Variants in TMEM165 observed in about 807,000 individuals in gnomAD.
TMEM165 encodes the protein putative divalent cation/proton antiporter TMEM165.
Under a neutral mutation model 30.0 loss-of-function variants are expected in TMEM165, and 19 were observed. That is an observed-to-expected ratio of 0.63 (90% CI 0.44 to 0.93). The LOEUF (loss-of-function observed/expected upper bound fraction) is 0.93. Among genes scored for constraint, TMEM165 ranks in the 40% least tolerant of loss-of-function variants. The probability of loss-of-function intolerance (pLI) is 0.00; values close to 1 mark genes in which losing one functional copy is unlikely to be tolerated. For synonymous variants in TMEM165, 168 were observed against 162.9 expected, an observed-to-expected ratio of 1.03 and a Z score of -0.24; for missense variants, 340 against 417.0, an observed-to-expected ratio of 0.82 and a Z score of 1.61.
intron 3 of TMEM165, chr4:55,442,581 C>T: frequency 1.2e-5 from 19 of 1,612,256 alleles, no homozygotes; most frequent in Non-Finnish European, 1.6e-5. Flanking sequence ...TGCTCTGTGT[C>T]TGACTGGGTA....
At chr4:55,434,751 G>A (rs984752139) in intron 3 of TMEM165, 1 of 155,186 alleles carries the variant, frequency 6.4e-6, no homozygotes, top group Non-Finnish European at 1.4e-5. Flanking sequence ...GTTTGCACAT[G>A]GTGTCAGAAT....
At chr4:55,399,097 AAG>A (rs1720849386) in intron 1 of TMEM165, 1 of 152,114 alleles carries the variant, frequency 6.6e-6, no homozygotes, top group East Asian at 1.9e-4. Flanking sequence ...TTTTTTTAAA[AAG>A]AGAAAAAGAG....
intron 3 of TMEM165, chr4:55,450,284 T>C (rs1052802743): frequency 6.2e-7 from 1 of 1,606,904 alleles, no homozygotes; most frequent in Non-Finnish European, 8.5e-7. Context: ...TTCAGAGATC[T>C]CAAATTCACA....
At position 55,417,802 on chromosome 4, in the gene TMEM165, G is replaced by T; in HGVS notation, c.610-1G>T. 1 of 1,591,752 alleles carries T rather than the reference G, an allele frequency of 6.3e-7. No homozygotes were observed. Among genetic ancestry groups the T allele is most frequent in the Non-Finnish European group, 8.5e-7 (1 of 1,170,660 alleles). ...TTTCATTTGTTTATTATTTATTTTA[G>T]TTTCAACGAACCAAACTTTTAAATG... On this transcript the variant is annotated splice_acceptor_variant, in intron 3 of 5. Transcript: ENST00000381334. LOFTEE classifies it high-confidence loss of function.
intron 4 of TMEM165, among the ~76,000 whole-genome samples, chr4:55,421,297 CTTTT>C (rs766025971): frequency 9.4e-6 from 1 of 105,864 alleles, no homozygotes; most frequent in Non-Finnish European, 1.9e-5. Flanking sequence ...TTCTTTCTTT[CTTTT>C]TTTTTTTTTT....
chr4:55,396,109 CG>C lies in TMEM165; in HGVS notation c.-79del. 8.4e-7 allele frequency: 1 copy of C among 1,196,966 alleles called. No homozygotes were observed. Among genetic ancestry groups the C allele is most frequent in the Non-Finnish European group, 1.1e-6 (1 of 940,678 alleles). 74.1% of individuals were successfully genotyped at this position (1,196,966 alleles called of 1,614,324 possible). ...GGCGGCGAGTCGTGAGGACGCGCCG[CG>C]GAGGCTGTTCGGGGTCGAGGCTTCC... On this transcript the variant is annotated 5_prime_UTR_variant, in exon 1 of 6. Coordinates refer to ENST00000381334, the MANE Select transcript of TMEM165 (RefSeq NM_018475.5).
chr4:55,417,968 G>A lies in TMEM165; in HGVS notation c.775G>A (p.Val259Ile), dbSNP rs1229515816. The A allele has an allele frequency of 1.2e-6, 2 of 1,609,848 alleles. No individual in the cohort carries two copies. The highest frequency in any genetic ancestry group is 2.7e-5 in the African/African-American group (2 of 74,702). The change falls in exon 4 of 6, where the codon GTA (valine) becomes ATA (isoleucine). Residue 259 changes from valine to isoleucine, a missense_variant. This residue lies in a region of TMEM165 where 220 missense variants were observed against 307.6 expected (regional missense o/e 0.72). Transcript: ENST00000381334. ...WGDRSQLTTI[V>I]LAAREDPYGV... The stretch of plus-strand genomic sequence containing the variant: ...TGATCGCTCTCAACTAACTACAATT[G>A]TATTGGCAGCTAGAGAGGTGAGTGA...
At chr4:55,444,542 T>G in intron 3 of TMEM165, 1 of 1,458,108 alleles carries the variant, frequency 6.9e-7, no homozygotes, top group Admixed American at 1.7e-5. Flanking sequence ...ACGTATCTCT[T>G]GCATCTCACT....
At chr4:55,448,593 CACGCGCGCGTGTGTGTGTGTGTGT>C (rs1560421148) in intron 3 of TMEM165, among the ~76,000 whole-genome samples, 3 of 64,894 alleles carry the variant, frequency 4.6e-5, no homozygotes, top group East Asian at 7.4e-4. Flanking sequence ...TGCGCGCGCG[CACGCGCGCGTGTGTGTGTGTGTGT>C]GTGTGTGTGT....
At chr4:55,418,492 C>G (rs1578241078) in intron 4 of TMEM165, among the ~76,000 whole-genome samples, 1 of 151,086 alleles carries the variant, frequency 6.6e-6, no homozygotes, top group East Asian at 2.0e-4. Context: ...CCACTGCACT[C>G]CAGCCTTGGT....
In TMEM165 at chr4:55,396,262, C is replaced by A. The variant is rs1232370075; in HGVS notation, c.73C>A (p.Leu25Met). ...RLLLLFLVPL[L>M]WAPAAVRAGP... ...GCTTCTGCTCTTTCTGGTTCCGCTGCTGTGGGCCCCGGCTGCGGTCCGGGC... is the reference window on the plus strand; with the variant it reads ...GCTTCTGCTCTTTCTGGTTCCGCTGATGTGGGCCCCGGCTGCGGTCCGGGC... Residue 25 changes from leucine (L) to methionine (M), a missense_variant, in exon 1 of 6, where the codon CTG becomes ATG. Physicochemically the swap from Leu to Met is conservative, Grantham distance 15 (BLOSUM62 2). Around this residue, in one of 2 missense-constraint regions of TMEM165, gnomAD observed 120 missense variants for 109.4 expected, o/e 1.10. Transcript: ENST00000381334. 3 of 1,519,118 alleles carry A rather than the reference C, an allele frequency of 2.0e-6. No individual in the cohort carries two copies. The highest frequency in any genetic ancestry group is 1.4e-5 in the African/African-American group (1 of 69,764). 94.1% of individuals were successfully genotyped at this position (1,519,118 alleles called of 1,614,324 possible).
At chr4:55,404,616 T>A (rs1721198476) in intron 1 of TMEM165, among the ~76,000 whole-genome samples, 1 of 151,216 alleles carries the variant, frequency 6.6e-6, no homozygotes, top group Non-Finnish European at 1.5e-5. Context: ...ATTTTTTTTT[T>A]TTGTGGAGAT....
downstream of TMEM165, among the ~76,000 whole-genome samples, chr4:55,427,707 G>A (rs564625911): frequency 6.6e-6 from 1 of 152,184 alleles, no homozygotes; most frequent in Non-Finnish European, 1.5e-5. Context: ...CCATCATCGT[G>A]TAACCTCAGT....
intron 1 of TMEM165, among the ~76,000 whole-genome samples, chr4:55,403,490 T>A (rs1340834296): frequency 4.2e-5 from 4 of 95,804 alleles, no homozygotes; most frequent in African/African-American, 1.6e-4. Context: ...GGGTGCCTTT[T>A]TCTTTTTCTT....
intron 1 of TMEM165, among the ~76,000 whole-genome samples, chr4:55,407,088 G>C (rs1445416612): frequency 1.3e-5 from 2 of 152,198 alleles, no homozygotes; most frequent in Non-Finnish European, 2.9e-5. Context: ...CATACTCATT[G>C]CCCACAGTTT....
At chr4:55,444,727 C>T (rs767621413) in intron 3 of TMEM165, 22 of 1,613,928 alleles carry the variant, frequency 1.4e-5, no homozygotes, top group East Asian at 1.3e-4. Context: ...CATGCGTGTC[C>T]GTTGTTCCAA....
downstream of TMEM165, among the ~76,000 whole-genome samples, chr4:55,427,301 G>A (rs138101231): frequency 9.0e-4 from 137 of 151,948 alleles, no homozygotes; most frequent in East Asian, 0.019. Context: ...CTCCCAAAGC[G>A]CTGGGATTAC....
chr4:55,400,309 ATAT>A (rs1410036611), intron 1 of TMEM165, among the ~76,000 whole-genome samples: 9 of 99,698 alleles, frequency 9.0e-5, no homozygotes, highest in Non-Finnish European at 1.3e-4. Flanking sequence ...ATTATATATA[ATAT>A]TAATACTGTA....
At chr4:55,450,822 T>TA (rs1397114378) in intron 3 of TMEM165, among the ~76,000 whole-genome samples, 1 of 151,388 alleles carries the variant, frequency 6.6e-6, no homozygotes, top group East Asian at 1.9e-4. Flanking sequence ...TTTTAACAGC[T>TA]AAAACTACAT....
Sources: allele counts gnomAD v4.1 joint callset (sites outside exome capture counted in the v4.1 genomes callset), GRCh38; gene constraint gnomAD v4.1.1; regional missense constraint gnomAD v4.1.1; transcripts MANE v1.5; gene names NCBI Gene and HGNC (gene_info 2026-07-23, HGNC 2026-07-21).